ZDBF2: variants seen among roughly 807,000 people sequenced by gnomAD.
The protein encoded by ZDBF2 is zinc finger DBF-type containing 2, also known as DBF4-type zinc finger-containing protein 2.
In ZDBF2, 6 loss-of-function variants were observed where a neutral mutation model predicts 9.4. The ratio of observed to expected loss-of-function variants is 0.64; its 90% CI spans 0.35 to 1.27. ZDBF2 has a LOEUF of 1.27. Among genes scored for constraint, ZDBF2 ranks in the 50% most tolerant of loss-of-function variants. The probability of loss-of-function intolerance (pLI) is 0.03; values close to 1 mark genes in which losing one functional copy is unlikely to be tolerated. For synonymous variants in ZDBF2, 905 were observed against 946.3 expected, an observed-to-expected ratio of 0.96 and a Z score of 0.80; for missense variants, 2,697 against 2,766.8, an observed-to-expected ratio of 0.97 and a Z score of 0.57.
rs1193814817 is a variant in ZDBF2 at position 206,311,258 on chromosome 2, T to C, written c.6730T>C (p.Phe2244Leu). The part of the protein sequence containing the change: ...LRHRYQSRSA[F>L]LGRYLKKKKS... ...TCATAGATATCAGTCCAGGAGCGCT[T>C]TTCTTGGAAGGTATCTGAAGAAGAA... Residue 2244 changes from phenylalanine (F) to leucine (L), a missense_variant, in exon 5 of 5, where the codon TTT becomes CTT. By Grantham distance (22) the Phe-to-Leu change is conservative. Transcript: ENST00000374423. 1 of 1,611,280 alleles carries C rather than the reference T, an allele frequency of 6.2e-7. No homozygotes were observed. The highest frequency in any genetic ancestry group is 8.5e-7 in the Non-Finnish European group (1 of 1,178,382).
Position 206,305,994 on chromosome 2 carries a change from CTAG to C in ZDBF2, c.1471_1473del (p.Ser492del), listed in dbSNP as rs746001975. On this transcript the variant is annotated inframe_deletion, in exon 5 of 5. Transcript: ENST00000374423. ...AGCCTGGTTGACCAAAGCTATGAAT[CTAG>C]TAGTTCTGAAACGAATTTTGATTGT... 1.6e-5 allele frequency: 26 copies of C among 1,613,138 alleles called. No individual in the cohort carries two copies. Among genetic ancestry groups the C allele is most frequent in the African/African-American group, 4.0e-5 (3 of 74,900 alleles).
intron 4 of ZDBF2, among the ~76,000 whole-genome samples, chr2:206,302,301 C>T (rs958848017): frequency 7.9e-5 from 12 of 152,128 alleles, no homozygotes; most frequent in African/African-American, 2.9e-4. Context: ...TGAACCACCA[C>T]ACCTGGCCAA....
intron 3 of ZDBF2, among the ~76,000 whole-genome samples, chr2:206,290,788 C>T (rs911684946): frequency 1.3e-5 from 2 of 152,056 alleles, no homozygotes; most frequent in African/African-American, 2.4e-5. Context: ...ATTATGTTCT[C>T]TCCAAATAGT....
Position 206,309,009 on chromosome 2 carries a change from G to A in ZDBF2, c.4481G>A (p.Ser1494Asn). The A allele has an allele frequency of 6.2e-7, 1 of 1,613,852 alleles. No individual in the cohort carries two copies. Among genetic ancestry groups the A allele is most frequent in the South Asian group, 1.1e-5 (1 of 91,064 alleles). ...ATGGAAGAAAAGACCGATCAACCTA[G>A]TGATTCAGAAATGATGTATGATTCT... ...VVMEEKTDQP[S>N]DSEMMYDSDV... Residue 1494 changes from serine to asparagine, a missense_variant, in exon 5 of 5, where the codon AGT (serine) becomes AAT (asparagine). Physicochemically the swap from Ser to Asn is conservative, Grantham distance 46. Coordinates refer to ENST00000374423, the MANE Select transcript of ZDBF2 (RefSeq NM_020923.3).
chr2:206,308,202 A>C lies in ZDBF2; in HGVS notation c.3674A>C (p.Lys1225Thr), dbSNP rs754485894. 6.2e-7 allele frequency: 1 copy of C among 1,613,882 alleles called. No homozygotes were observed. Among genetic ancestry groups the C allele is most frequent in the South Asian group, 1.1e-5 (1 of 91,062 alleles). ...ACCGTTAAAGAAATAAGCCTTTGGA[A>C]GGATGAAGAAGTTGACACGGAAGAT... ...RETVKEISLWKDEEVDTEDRR... is the reference protein window; with the variant it reads ...RETVKEISLWTDEEVDTEDRR... Residue 1225 changes from lysine (K) to threonine (T), a missense_variant, in exon 5 of 5, where the codon AAG (lysine) becomes ACG (threonine). By Grantham distance (78) the Lys-to-Thr change is moderately conservative. This residue lies in a region of ZDBF2 where 1,783 missense variants were observed against 1,776.5 expected (regional missense o/e 1.00). Transcript: ENST00000374423.
chr2:206,275,459 T>A (rs1374572714), intron 1 of ZDBF2, among the ~76,000 whole-genome samples: 2 of 152,324 alleles, frequency 1.3e-5, no homozygotes, highest in East Asian at 3.9e-4. Flanking sequence ...AACGTTTGAT[T>A]TTTGTGTTAA....
chr2:206,290,418 T>C (rs1037992917), intron 3 of ZDBF2, among the ~76,000 whole-genome samples: 1 of 152,236 alleles, frequency 6.6e-6, no homozygotes, highest in Admixed American at 6.5e-5. Flanking sequence ...AGGGATTGTG[T>C]TGAATCTGTA....
At position 206,309,409 on chromosome 2, in the gene ZDBF2, T is replaced by C. The variant is rs1389957831; in HGVS notation, c.4881T>C (p.Phe1627=). Residue 1627 remains phenylalanine (F), a synonymous_variant, in exon 5 of 5, where the codon TTT becomes TTC. Transcript: ENST00000374423. ...SCQSCGSEMN[F]NVDASDQSMT... ...AATCTTGTGGTTCTGAAATGAATTT[T>C]AATGTTGATGCCTCTGATCAGTCCA... 1 of 1,613,888 alleles carries C rather than the reference T, an allele frequency of 6.2e-7. No homozygotes were observed. The highest frequency in any genetic ancestry group is 2.2e-5 in the East Asian group (1 of 44,892).
rs374046475 is a variant in ZDBF2 at position 206,313,343 on chromosome 2, T to C, written c.*1750T>C. 1 of 152,220 alleles carries C rather than the reference T, an allele frequency of 6.6e-6. No individual in the cohort carries two copies. 9.4% of individuals were successfully genotyped at this position (152,220 alleles called of 1,614,324 possible). On this transcript the variant is annotated 3_prime_UTR_variant, in exon 5 of 5. Transcript: ENST00000374423. ...TAAAAACAAATGTTTTTGTCTTTAGTTGCAAAGCAGCATATATCTCATTTC... is the reference window on the plus strand; with the variant it reads ...TAAAAACAAATGTTTTTGTCTTTAGCTGCAAAGCAGCATATATCTCATTTC...
In ZDBF2 at chr2:206,281,791, T is replaced by C; in HGVS notation, c.-49-10T>C. Reference sequence around the variant, plus strand: ...TTATGATTTTTACCATTTTTCTTTTTGTTTTTCAGCTTGAGTATTCAAAGA... The same window carrying C: ...TTATGATTTTTACCATTTTTCTTTTCGTTTTTCAGCTTGAGTATTCAAAGA... On this transcript the variant is annotated splice_polypyrimidine_tract_variant and intron_variant, in intron 2 of 4. Coordinates refer to ENST00000374423, the MANE Select transcript of ZDBF2 (RefSeq NM_020923.3). 6.6e-7 allele frequency: 1 copy of C among 1,526,084 alleles called. No homozygotes were observed. Among genetic ancestry groups the C allele is most frequent in the South Asian group, 1.2e-5 (1 of 85,338 alleles). 94.5% of individuals were successfully genotyped at this position (1,526,084 alleles called of 1,614,324 possible).
At chr2:206,286,990 G>A (rs1691637022) in intron 3 of ZDBF2, among the ~76,000 whole-genome samples, 1 of 152,132 alleles carries the variant, frequency 6.6e-6, no homozygotes, top group Non-Finnish European at 1.5e-5. Context: ...TGGCCTATAA[G>A]CAGCTTTAGT....
At chr2:206,303,011 T>A (rs923257203) in intron 4 of ZDBF2, among the ~76,000 whole-genome samples, 1 of 152,128 alleles carries the variant, frequency 6.6e-6, no homozygotes. Context: ...TCTCTATTAT[T>A]AACATTAATG....
Position 206,307,164 on chromosome 2 carries a change from C to T in ZDBF2, c.2636C>T (p.Pro879Leu). 6.2e-7 allele frequency: 1 copy of T among 1,613,480 alleles called. No individual in the cohort carries two copies. Among genetic ancestry groups the T allele is most frequent in the Non-Finnish European group, 8.5e-7 (1 of 1,179,724 alleles). ...GAAATAAGTTCGGATTCCCATGCCC[C>T]TCTTCATTCAGTGACTAATTCTCCC... ...GSEISSDSHA[P>L]LHSVTNSPEV... The change falls in exon 5 of 5, where the codon CCT becomes CTT. Residue 879 changes from proline (P) to leucine (L), a missense_variant. Physicochemically the swap from Pro to Leu is moderately conservative, Grantham distance 98. Around this residue, in one of 3 missense-constraint regions of ZDBF2, gnomAD observed 1,783 missense variants for 1,776.5 expected, o/e 1.00. Coordinates refer to ENST00000374423, the MANE Select transcript of ZDBF2 (RefSeq NM_020923.3).
At chr2:206,291,420 C>T (rs1467553650) in intron 3 of ZDBF2, among the ~76,000 whole-genome samples, 2 of 152,210 alleles carry the variant, frequency 1.3e-5, no homozygotes, top group African/African-American at 4.8e-5. Context: ...ACCTCCTGCT[C>T]TGTGGCCCAG....
Position 206,281,860 on chromosome 2 carries a change from G to A in ZDBF2, c.11G>A (p.Arg4Lys). 1 of 1,613,312 alleles carries A rather than the reference G, an allele frequency of 6.2e-7. No homozygotes were observed. Among genetic ancestry groups the A allele is most frequent in the Non-Finnish European group, 8.5e-7 (1 of 1,179,576 alleles). ...AGTTATTTATTCAAGATGCAGAAAA[G>A]ACAAGGATATTGCAGTTATTGCCGT... is the stretch of plus-strand genomic sequence containing the variant. MQK[R>K]QGYCSYCRVQ... The change falls in exon 3 of 5, where the codon AGA (arginine) becomes AAA (lysine). Residue 4 changes from arginine to lysine, a missense_variant. Arg to Lys is a conservative substitution (Grantham distance 26, BLOSUM62 2). Coordinates refer to ENST00000374423, the MANE Select transcript of ZDBF2 (RefSeq NM_020923.3).
Position 206,311,361 on chromosome 2 carries a change from G to T in ZDBF2, c.6833G>T (p.Gly2278Val). 1 of 1,605,984 alleles carries T rather than the reference G, an allele frequency of 6.2e-7. No homozygotes were observed. Among genetic ancestry groups the T allele is most frequent in the South Asian group, 1.1e-5 (1 of 89,672 alleles). ...TTGAACTCTTCAGTTCCACCAGCTG[G>T]TGCCGAAGAGCTGTCAAGCGCTATG... is the stretch of plus-strand genomic sequence containing the variant. ...VLLNSSVPPA[G>V]AEELSSAMAN... Residue 2278 changes from glycine (G) to valine (V), a missense_variant, in exon 5 of 5, where the codon GGT becomes GTT. Around this residue, in one of 3 missense-constraint regions of ZDBF2, gnomAD observed 1,783 missense variants for 1,776.5 expected, o/e 1.00. Transcript: ENST00000374423.
intron 2 of ZDBF2, 124 bp from the exon 3 acceptor site, chr2:206,281,677 T>C (rs1440323325): frequency 3.4e-6 from 2 of 586,294 alleles, no homozygotes; most frequent in East Asian, 6.1e-5. Flanking sequence ...CAGTGGCTCA[T>C]GGCAGCCTTG....
chr2:206,295,225 A>G (rs1692102974), intron 3 of ZDBF2, among the ~76,000 whole-genome samples: 1 of 152,226 alleles, frequency 6.6e-6, no homozygotes, highest in African/African-American at 2.4e-5. Flanking sequence ...CATGTTAGAA[A>G]TATGCCATTT....
At chr2:206,296,019 T>A (rs1366085810) in intron 3 of ZDBF2, among the ~76,000 whole-genome samples, 1 of 152,120 alleles carries the variant, frequency 6.6e-6, no homozygotes, top group African/African-American at 2.4e-5. Flanking sequence ...CCAACCCTGT[T>A]CTCTCTCTTA....
Sources: allele counts gnomAD v4.1 joint callset (sites outside exome capture counted in the v4.1 genomes callset), GRCh38; gene constraint gnomAD v4.1.1; regional missense constraint gnomAD v4.1.1; transcripts MANE v1.5; gene names NCBI Gene and HGNC (gene_info 2026-07-23, HGNC 2026-07-21).